The following GBE1 variants were observed in gnomAD, a reference collection of about 807,000 sequenced individuals.
GBE1 encodes 1,4-alpha-glucan branching enzyme 1.
In GBE1, 70 loss-of-function variants were observed where a neutral mutation model predicts 88.8. That is an observed-to-expected ratio of 0.79 (90% CI 0.65 to 0.96). The LOEUF is 0.96. GBE1 is among the 40% of genes least tolerant of loss of function. The pLI is 0.00. For synonymous variants in GBE1, 284 were observed against 300.1 expected (o/e 0.95, Z 0.56); for missense variants, 872 against 871.0 (o/e 1.00, Z -0.01).
intron 2 of GBE1, 99 bp downstream of exon 2, chr3:81,705,345 A>C: frequency 1.1e-6 from 1 of 904,932 alleles, no homozygotes; most frequent in East Asian, 3.1e-5. Flanking sequence ...ATTTGTAATC[A>C]TTAAAGTTCA....
chr3:81,572,628 T>C (rs1345971122), intron 12 of GBE1, among the ~76,000 whole-genome samples: 3 of 152,234 alleles, frequency 2.0e-5, no homozygotes, highest in Non-Finnish European at 4.4e-5. Flanking sequence ...TTAATTCTTA[T>C]ATTTTAATTT....
At chr3:81,747,852 T>C (rs903025106) in intron 1 of GBE1, among the ~76,000 whole-genome samples, 3 of 151,978 alleles carry the variant, frequency 2.0e-5, no homozygotes, top group Non-Finnish European at 2.9e-5. Context: ...CCAAATCCTA[T>C]AAAACGGCCC....
At chr3:81,745,558 GATTATT>G (rs940204859) in intron 1 of GBE1, among the ~76,000 whole-genome samples, 16 of 151,774 alleles carry the variant, frequency 1.1e-4, no homozygotes, top group South Asian at 2.1e-4. Flanking sequence ...TGATGGTGAT[GATTATT>G]ATTATTATCA....
intron 1 of GBE1, among the ~76,000 whole-genome samples, chr3:81,759,993 C>G (rs1320287988): frequency 1.3e-5 from 2 of 152,120 alleles, no homozygotes; most frequent in East Asian, 3.8e-4. Flanking sequence ...TACCTTTAAT[C>G]ACTATCTTTT....
chr3:81,569,026 T>A (rs569570411), intron 12 of GBE1, among the ~76,000 whole-genome samples: 1 of 152,146 alleles, frequency 6.6e-6, no homozygotes, highest in African/African-American at 2.4e-5. Context: ...CTAAAAAAAA[T>A]ACCAAATTAC....
chr3:81,508,594 T>C (rs1204277922), intron 14 of GBE1, among the ~76,000 whole-genome samples: 1 of 152,152 alleles, frequency 6.6e-6, no homozygotes, highest in Non-Finnish European at 1.5e-5. Flanking sequence ...ATTCAGGCTA[T>C]AAACACCTTC....
chr3:81,588,857 T>C (rs1368242043), intron 9 of GBE1, among the ~76,000 whole-genome samples: 1 of 152,138 alleles, frequency 6.6e-6, no homozygotes, highest in Non-Finnish European at 1.5e-5. Context: ...GTCTCCGTGA[T>C]TGGCTTTCTG....
chr3:81,517,778 G>A (rs114053177), intron 14 of GBE1, among the ~76,000 whole-genome samples: 312 of 151,348 alleles, frequency 2.1e-3, no homozygotes, highest in African/African-American at 7.3e-3. Context: ...AATCATTTTA[G>A]TACTATTTGT....
chr3:81,651,999 T>C (rs947755240), intron 3 of GBE1, among the ~76,000 whole-genome samples: 1 of 152,226 alleles, frequency 6.6e-6, no homozygotes, highest in African/African-American at 2.4e-5. Flanking sequence ...GATGCTCCTA[T>C]ATCTTTTGCT....
At chr3:81,517,847 C>T (rs1319261342) in intron 14 of GBE1, among the ~76,000 whole-genome samples, 1 of 151,298 alleles carries the variant, frequency 6.6e-6, no homozygotes, top group Non-Finnish European at 1.5e-5. Flanking sequence ...TAGCTACATA[C>T]TCCATTTATC....
At chr3:81,614,732 G>A (rs1356514251) in intron 7 of GBE1, among the ~76,000 whole-genome samples, 2 of 152,094 alleles carry the variant, frequency 1.3e-5, no homozygotes, top group African/African-American at 2.4e-5. Flanking sequence ...GGTGGCACGT[G>A]CCTGTAATCC....
intron 1 of GBE1, among the ~76,000 whole-genome samples, chr3:81,708,309 T>A (rs1339828470): frequency 6.6e-6 from 1 of 151,928 alleles, no homozygotes; most frequent in Non-Finnish European, 1.5e-5. Flanking sequence ...AAAAAGTAGA[T>A]CTCTAAAACC....
intron 14 of GBE1, among the ~76,000 whole-genome samples, chr3:81,531,552 G>A (rs1703011805): frequency 6.6e-6 from 1 of 151,940 alleles, no homozygotes; most frequent in East Asian, 1.9e-4. Flanking sequence ...AAAGAATCCT[G>A]CCAGGACTGA....
At chr3:81,649,229 AT>A (rs879858946) in intron 4 of GBE1, among the ~76,000 whole-genome samples, 2 of 151,566 alleles carry the variant, frequency 1.3e-5, no homozygotes, top group East Asian at 1.9e-4. Flanking sequence ...CATTGAGTAA[AT>A]TTTTTTTTAA....
rs750070108 is a variant in GBE1, at chr3:81,642,827, T to C, written c.946A>G (p.Arg316Gly). 1 of 1,613,396 alleles carries C rather than the reference T, an allele frequency of 6.2e-7. No homozygotes were observed. Among genetic ancestry groups the C allele is most frequent in the South Asian group, 1.1e-5 (1 of 91,080 alleles). Residue 316 changes from arginine to glycine, a missense_variant, in exon 7 of 16, where the codon AGA becomes GGA. By Grantham distance (125) the Arg-to-Gly change is moderately radical. Coordinates refer to ENST00000429644, the MANE Select transcript of GBE1 (RefSeq NM_000158.4). The stretch of plus-strand genomic sequence containing the variant: ...CTATCCCAAAGATCATGAGTCCCTC[T>C]AGGTCCAGAATGAAAATAACAGGAA... Reference protein sequence around the residue: ...TDSCYFHSGPRGTHDLWDSRL... With the variant: ...TDSCYFHSGPGGTHDLWDSRL...
intron 7 of GBE1, among the ~76,000 whole-genome samples, chr3:81,639,479 C>T (rs1380278646): frequency 1.3e-5 from 2 of 151,612 alleles, no homozygotes; most frequent in Admixed American, 6.6e-5. Context: ...GTAGCATATT[C>T]GTTGTGTGTG....
chr3:81,601,965 G>T (rs1472357407), intron 7 of GBE1, among the ~76,000 whole-genome samples: 1 of 152,160 alleles, frequency 6.6e-6, no homozygotes, highest in Non-Finnish European at 1.5e-5. Flanking sequence ...GGAGTTTAGG[G>T]TCTAACAGGA....
chr3:81,645,958 A>G (rs1704757973), intron 6 of GBE1, among the ~76,000 whole-genome samples: 1 of 152,188 alleles, frequency 6.6e-6, no homozygotes, highest in African/African-American at 2.4e-5. Context: ...AGAGAGAATT[A>G]TTCCATCCAT....
chr3:81,522,066 A>G (rs1440082612), intron 14 of GBE1, among the ~76,000 whole-genome samples: 1 of 151,442 alleles, frequency 6.6e-6, no homozygotes, highest in Non-Finnish European at 1.5e-5. Context: ...TGCTGGGTGC[A>G]TTTTAATAAG....
Sources: allele counts gnomAD v4.1 joint callset (sites outside exome capture counted in the v4.1 genomes callset), GRCh38; gene constraint gnomAD v4.1.1; transcripts MANE v1.5; gene names NCBI Gene and HGNC (gene_info 2026-07-23, HGNC 2026-07-21).